Variants in PPP2CA observed in about 807,000 individuals in gnomAD.
PPP2CA encodes serine/threonine-protein phosphatase 2A catalytic subunit alpha isoform.
PPP2CA carries 5 observed loss-of-function variants against 38.8 expected under a neutral mutation model. That is an observed-to-expected ratio of 0.13 (90% CI 0.07 to 0.27). The LOEUF (loss-of-function observed/expected upper bound fraction) is 0.27, where lower values mean the gene tolerates loss of function less well. Ranked by LOEUF, PPP2CA falls within the 10% of genes least tolerant of loss-of-function variation. The pLI is 1.00. For missense variants in PPP2CA, 88 were observed against 389.7 expected, an observed-to-expected ratio of 0.23 and a Z score of 6.52; for synonymous variants, 152 against 134.0, an observed-to-expected ratio of 1.13 and a Z score of -0.93.
At position 134,199,093 on chromosome 5, in the gene PPP2CA, A is replaced by G. The variant is rs1266037377; in HGVS notation, c.850T>C (p.Tyr284His). 1.2e-6 allele frequency: 2 copies of G among 1,604,308 alleles called. No homozygotes were observed. The change falls in exon 6 of 7, where the codon TAC becomes CAC. Residue 284 changes from tyrosine to histidine, a missense_variant. Tyr to His is a moderately conservative substitution (Grantham distance 83). Around this residue, in one of 4 missense-constraint regions of PPP2CA, gnomAD observed 36 missense variants for 259.8 expected, o/e 0.14. Coordinates refer to ENST00000481195, the MANE Select transcript of PPP2CA (RefSeq NM_002715.4). ...AIMELDDTLK[Y>H]SFLQFDPAPR... The stretch of plus-strand genomic sequence containing the variant: ...TCAGGTAGAATTACTTACAAAGAGT[A>G]TTTTAGAGTATCGTCAAGTTCCATG...
Position 134,196,631 on chromosome 5 carries a change from A to T in PPP2CA, c.*1141T>A, listed in dbSNP as rs1396757436. ...ATGTACAAAGATTTAAGAATTTGCC[A>T]ATCTGTCAATCATTTTAAAGAGTCC... On this transcript the variant is annotated 3_prime_UTR_variant, in exon 7 of 7. Transcript: ENST00000481195. The T allele has an allele frequency of 1.3e-5, 2 of 152,234 alleles. No individual in the cohort carries two copies. Among genetic ancestry groups the T allele is most frequent in the Non-Finnish European group, 2.9e-5 (2 of 68,038 alleles). The allele number at this position is 152,234 out of a possible 1,614,324, so 9.4% of individuals were successfully genotyped here.
At chr5:134,210,036 T>G (rs1264285463) in intron 1 of PPP2CA, among the ~76,000 whole-genome samples, 1 of 151,888 alleles carries the variant, frequency 6.6e-6, no homozygotes, top group Non-Finnish European at 1.5e-5. Context: ...CATGATCACT[T>G]GACCCCAGGA....
chr5:134,202,932 A>G (rs1446854004), intron 2 of PPP2CA, among the ~76,000 whole-genome samples: 2 of 152,222 alleles, frequency 1.3e-5, no homozygotes, highest in Non-Finnish European at 2.9e-5. Flanking sequence ...GATGTGAAGT[A>G]GTAACTCAGT....
chr5:134,205,270 T>C (rs1465689959), intron 2 of PPP2CA, among the ~76,000 whole-genome samples: 2 of 152,066 alleles, frequency 1.3e-5, no homozygotes, highest in African/African-American at 4.8e-5. Context: ...GGTATGTTTA[T>C]ATATTTATAA....
chr5:134,206,802 T>C (rs938175581), intron 1 of PPP2CA, among the ~76,000 whole-genome samples: 7 of 152,224 alleles, frequency 4.6e-5, no homozygotes, highest in African/African-American at 9.6e-5. Context: ...CTGTGGCTCA[T>C]ACCTGTGAGA....
At chr5:134,224,980 A>G (rs532648485) in intron 1 of PPP2CA, among the ~76,000 whole-genome samples, 1 of 152,256 alleles carries the variant, frequency 6.6e-6, no homozygotes, top group Non-Finnish European at 1.5e-5. Context: ...TAAACGGCAA[A>G]ATGCCAAGTG....
At chr5:134,207,283 T>C (rs1170869033) in intron 1 of PPP2CA, among the ~76,000 whole-genome samples, 2 of 152,140 alleles carry the variant, frequency 1.3e-5, no homozygotes, top group African/African-American at 4.8e-5. Context: ...TGCATGACTG[T>C]AGTACCAGCT....
At chr5:134,220,613 T>A (rs1762420845) in intron 1 of PPP2CA, among the ~76,000 whole-genome samples, 1 of 152,010 alleles carries the variant, frequency 6.6e-6, no homozygotes, top group African/African-American at 2.4e-5. Flanking sequence ...GCAGAAAGAA[T>A]AAATAGTGTC....
At chr5:134,200,908 A>G in intron 4 of PPP2CA, 77 bp downstream of exon 4, 1 of 1,168,788 alleles carries the variant, frequency 8.6e-7, no homozygotes, top group Non-Finnish European at 1.3e-6. Context: ...GAGAGAATAC[A>G]TCTAATGAAC....
intron 2 of PPP2CA, 194 bp downstream of exon 2, chr5:134,205,723 CTTTTG>C (rs3831747): frequency 0.086 from 44,779 of 520,504 alleles, 2,372 homozygotes; most frequent in Admixed American, 0.16. Flanking sequence ...CATTCTCCTC[CTTTTG>C]TTTTGATTCT....
chr5:134,218,882 G>A (rs1234918320), intron 1 of PPP2CA, among the ~76,000 whole-genome samples: 1 of 152,000 alleles, frequency 6.6e-6, no homozygotes, highest in African/African-American at 2.4e-5. Context: ...TGCTAGCCAG[G>A]ATGGGCTCCA....
At chr5:134,207,740 G>A (rs1329785812) in intron 1 of PPP2CA, among the ~76,000 whole-genome samples, 1 of 152,162 alleles carries the variant, frequency 6.6e-6, no homozygotes, top group Non-Finnish European at 1.5e-5. Context: ...GTAGAGGTGA[G>A]GTTTCACCAT....
intron 1 of PPP2CA, among the ~76,000 whole-genome samples, chr5:134,223,413 G>A (rs1182552733): frequency 2.6e-5 from 4 of 152,150 alleles, no homozygotes; most frequent in Admixed American, 2.6e-4. Flanking sequence ...ATTTAGTTTG[G>A]AAGTTTAATA....
intron 1 of PPP2CA, among the ~76,000 whole-genome samples, chr5:134,209,291 A>G (rs1197015741): frequency 2.0e-5 from 3 of 147,330 alleles, no homozygotes; most frequent in Non-Finnish European, 4.5e-5. Flanking sequence ...AAAAAAAAAA[A>G]TCATCCAATC....
At chr5:134,225,601 G>A (rs571240384) in intron 1 of PPP2CA, 159 bp downstream of exon 1, 9 of 559,198 alleles carry the variant, frequency 1.6e-5, no homozygotes, top group Middle Eastern at 4.8e-4. Context: ...GGGGGCGCCG[G>A]GTCGTTAGGA....
At position 134,225,780 on chromosome 5, in the gene PPP2CA, C is replaced by T; in HGVS notation, c.82G>A (p.Val28Ile). 2 of 1,609,372 alleles carry T rather than the reference C, an allele frequency of 1.2e-6. No individual in the cohort carries two copies. The highest frequency in any genetic ancestry group is 1.7e-6 in the Non-Finnish European group (2 of 1,178,798). ...NECKQLSESQ[V>I]KSLCEKAKEI... is the part of the protein sequence containing the mutation. ...CTCACCTTCTCGCAGAGGCTCTTGA[C>T]CTGGGACTCGGACAGCTGCTTGCAC... Residue 28 changes from valine to isoleucine, a missense_variant, in exon 1 of 7, where the codon GTC (valine) becomes ATC (isoleucine). Val to Ile is a conservative substitution (Grantham distance 29). Coordinates refer to ENST00000481195, the MANE Select transcript of PPP2CA (RefSeq NM_002715.4).
chr5:134,210,050 T>G (rs1241456337), intron 1 of PPP2CA, among the ~76,000 whole-genome samples: 1 of 151,148 alleles, frequency 6.6e-6, no homozygotes. Flanking sequence ...CCCAGGACGG[T>G]CAAGGATGCA....
At chr5:134,208,125 A>C (rs1252357119) in intron 1 of PPP2CA, among the ~76,000 whole-genome samples, 1 of 152,178 alleles carries the variant, frequency 6.6e-6, no homozygotes, top group Non-Finnish European at 1.5e-5. Flanking sequence ...GGCATGACAT[A>C]AGCAAACAGA....
At chr5:134,197,943 T>A in intron 6 of PPP2CA, 99 bp from the exon 7 acceptor site, 1 of 1,002,444 alleles carries the variant, frequency 1.0e-6, no homozygotes, top group South Asian at 1.3e-5. Context: ...CACTTCCTAT[T>A]CAATTTTGGC....
Sources: allele counts gnomAD v4.1 joint callset (sites outside exome capture counted in the v4.1 genomes callset), GRCh38; gene constraint gnomAD v4.1.1; regional missense constraint gnomAD v4.1.1; transcripts MANE v1.5; gene names NCBI Gene and HGNC (gene_info 2026-07-23, HGNC 2026-07-21).